The following RMND5A variants were observed in gnomAD, a reference collection of about 807,000 sequenced individuals.
RMND5A encodes E3 ubiquitin-protein transferase RMND5A.
In RMND5A, 17 loss-of-function variants were observed where a neutral mutation model predicts 49.7. That is an observed-to-expected ratio of 0.34 (90% CI 0.23 to 0.51). The LOEUF (loss-of-function observed/expected upper bound fraction) is 0.51, where lower values mean the gene tolerates loss of function less well. Ranked by LOEUF, RMND5A falls within the 20% of genes least tolerant of loss-of-function variation. RMND5A has a pLI of 0.96. For synonymous variants in RMND5A, 156 were observed against 167.7 expected (o/e 0.93, Z 0.54); for missense variants, 255 against 471.3 (o/e 0.54, Z 4.25).
chr2:86,733,574 TTAA>T (rs1329879700), intron 1 of RMND5A, among the ~76,000 whole-genome samples: 1 of 142,384 alleles, frequency 7.0e-6, no homozygotes, highest in Non-Finnish European at 1.5e-5. Flanking sequence ...AAATTTTAAC[TTAA>T]TAAAGCAACA....
At chr2:86,771,448 C>T (rs1672683761) in intron 7 of RMND5A, 110 bp from the exon 8 acceptor site, 2 of 881,380 alleles carry the variant, frequency 2.3e-6, no homozygotes, top group Non-Finnish European at 3.4e-6. Context: ...AAGTTACATT[C>T]AGGTGAATAG....
At position 86,728,234 on chromosome 2, in the gene RMND5A, A is replaced by G. The variant is rs1263699042; in HGVS notation, c.142+7425A>G. 2.8e-4 allele frequency among the ~76,000 whole-genome samples: 24 copies of G among 85,480 alleles called. 1 individual carries two copies. Among genetic ancestry groups the G allele is most frequent in the Non-Finnish European group, 5.1e-4 (21 of 40,802 alleles). The allele number at this position is 85,480 out of a possible 152,430, so 56.1% of individuals were successfully genotyped here. Reference sequence around the variant, plus strand: ...GAGAAGATGAATCTGTATTTGTGGAATAGTACCTAAAATTTTGACCCTGGG... The same window carrying G: ...GAGAAGATGAATCTGTATTTGTGGAGTAGTACCTAAAATTTTGACCCTGGG... On this transcript the variant is annotated intron_variant, in intron 1 of 8. Transcript: ENST00000283632.
At chr2:86,758,233 C>G (rs1459979025) in intron 4 of RMND5A, among the ~76,000 whole-genome samples, 3 of 152,224 alleles carry the variant, frequency 2.0e-5, no homozygotes, top group African/African-American at 7.2e-5. Flanking sequence ...ACTCTCCAAA[C>G]AGGCAGCCAC....
intron 7 of RMND5A, 90 bp from the exon 8 acceptor site, chr2:86,771,468 A>C (rs897878697): frequency 8.9e-7 from 1 of 1,127,974 alleles, no homozygotes; most frequent in South Asian, 1.7e-5. Context: ...GATCTGATCA[A>C]TGTTCTTTGC....
At chr2:86,743,927 G>A (rs1487349571) in intron 2 of RMND5A, among the ~76,000 whole-genome samples, 2 of 150,102 alleles carry the variant, frequency 1.3e-5, no homozygotes, top group Non-Finnish European at 1.5e-5. Flanking sequence ...GCAGTGAGTC[G>A]AGATTGCACC....
rs1294303976 is a variant in RMND5A at position 86,720,538 on chromosome 2, C to G, written c.-130C>G. ...CCGGCGCCGCGGCTAGTGCGCCCGC[C>G]GCCTCGGCCGCCTCAGCCTCCCGCG... is the stretch of plus-strand genomic sequence containing the variant. On this transcript the variant is annotated 5_prime_UTR_variant, in exon 1 of 9. Coordinates refer to ENST00000283632, the MANE Select transcript of RMND5A (RefSeq NM_022780.4). 9 of 616,718 alleles carry G rather than the reference C, an allele frequency of 1.5e-5. No individual in the cohort carries two copies. In the Admixed American group the frequency reaches 3.5e-4, roughly 24 times the overall value. The allele number at this position is 616,718 out of a possible 1,614,324, so 38.2% of individuals were successfully genotyped here.
chr2:86,758,578 T>C (rs1030162371), intron 4 of RMND5A, among the ~76,000 whole-genome samples: 3 of 152,206 alleles, frequency 2.0e-5, no homozygotes, highest in Admixed American at 2.0e-4. Flanking sequence ...TACTAATCTC[T>C]GCATTACTGA....
chr2:86,720,584 G>C lies in RMND5A; in HGVS notation c.-84G>C. On this transcript the variant is annotated 5_prime_UTR_variant, in exon 1 of 9. Coordinates refer to ENST00000283632, the MANE Select transcript of RMND5A (RefSeq NM_022780.4). Reference sequence around the variant, plus strand: ...CCGCGCCGCCCGCTTGGGGAACGAGGAGCAGGACGCGGCCTCGGTGGGGCC... The same window carrying C: ...CCGCGCCGCCCGCTTGGGGAACGAGCAGCAGGACGCGGCCTCGGTGGGGCC... 8.1e-7 allele frequency: 1 copy of C among 1,241,274 alleles called. No individual in the cohort carries two copies. Among genetic ancestry groups the C allele is most frequent in the Non-Finnish European group, 1.0e-6 (1 of 971,482 alleles). 76.9% of individuals were successfully genotyped at this position (1,241,274 alleles called of 1,614,324 possible).
chr2:86,748,553 A>G (rs1478460775), intron 2 of RMND5A: 1 of 152,234 alleles, frequency 6.6e-6, no homozygotes, highest in Non-Finnish European at 1.5e-5. Context: ...TTAAGAAAAT[A>G]GAGATACACA....
intron 4 of RMND5A, among the ~76,000 whole-genome samples, chr2:86,763,527 C>T (rs969752257): frequency 3.3e-5 from 5 of 152,020 alleles, no homozygotes; most frequent in African/African-American, 4.8e-5. Context: ...CACCTGTAAC[C>T]GCAGCACTTT....
In RMND5A at chr2:86,757,954, T is replaced by C. The variant is rs190623110; in HGVS notation, c.521+4396T>C. On this transcript the variant is annotated intron_variant, in intron 4 of 8. Coordinates refer to ENST00000283632, the MANE Select transcript of RMND5A (RefSeq NM_022780.4). ...GCCTGGAGTTGGAACAAGAGGAGAT[T>C]GTTCTAGAAAATGTTCAAAGTTCTC... is the stretch of plus-strand genomic sequence containing the variant. Among the ~76,000 whole-genome samples, 448 of 152,254 alleles carry C rather than the reference T, an allele frequency of 2.9e-3. 2 individuals are homozygous for C. Among genetic ancestry groups the C allele is most frequent in the Non-Finnish European group, 5.2e-3 (355 of 68,006 alleles).
At chr2:86,745,492 G>A (rs560220505) in intron 2 of RMND5A, among the ~76,000 whole-genome samples, 7 of 152,296 alleles carry the variant, frequency 4.6e-5, no homozygotes, top group Admixed American at 1.3e-4. Context: ...AACAGCAACT[G>A]AGAATATGCC....
At chr2:86,760,064 G>A (rs888045871) in intron 4 of RMND5A, among the ~76,000 whole-genome samples, 2 of 150,448 alleles carry the variant, frequency 1.3e-5, no homozygotes, top group Admixed American at 6.6e-5. Context: ...TTTTTTTTGA[G>A]ACGGAGTTTC....
rs1230101847 is a variant in RMND5A, at chr2:86,774,591, G to A, written c.*1180G>A. On this transcript the variant is annotated 3_prime_UTR_variant, in exon 9 of 9. Coordinates refer to ENST00000283632, the MANE Select transcript of RMND5A (RefSeq NM_022780.4). ...ATGCACTGTCCAAAAATAGCCATGT[G>A]TAAGAGTCTTTCTGTATGACGAACT... The A allele has an allele frequency of 6.6e-6, 1 of 152,634 alleles. No homozygotes were observed. Among genetic ancestry groups the A allele is most frequent in the Admixed American group, 6.5e-5 (1 of 15,278 alleles). The allele number at this position is 152,634 out of a possible 1,614,324, so 9.5% of individuals were successfully genotyped here.
rs1672767945 is a variant in RMND5A at position 86,776,315 on chromosome 2, T to C, written c.*2904T>C. ...AAATGAACGGGTATTGGTGCCTCTT[T>C]ATTTTAAAAAATTTGAAGAAAAGAG... is the stretch of plus-strand genomic sequence containing the variant. On this transcript the variant is annotated 3_prime_UTR_variant, in exon 9 of 9. Coordinates refer to ENST00000283632, the MANE Select transcript of RMND5A (RefSeq NM_022780.4). 1 of 152,184 alleles carries C rather than the reference T, an allele frequency of 6.6e-6. No individual in the cohort carries two copies. Among genetic ancestry groups the C allele is most frequent in the Admixed American group, 6.5e-5 (1 of 15,286 alleles). The allele number at this position is 152,184 out of a possible 1,614,324, so 9.4% of individuals were successfully genotyped here. A position where few individuals can be genotyped will look rare whatever the true frequency, so the allele number is the denominator to read the frequency against.
chr2:86,761,588 G>A (rs1197439813), intron 4 of RMND5A, among the ~76,000 whole-genome samples: 1 of 152,176 alleles, frequency 6.6e-6, no homozygotes, highest in Non-Finnish European at 1.5e-5. Flanking sequence ...GGAGGGAGAA[G>A]CTTGGAAGTC....
intron 5 of RMND5A, 198 bp downstream of exon 5, chr2:86,765,391 T>A: frequency 2.1e-6 from 1 of 477,762 alleles, no homozygotes; most frequent in Non-Finnish European, 3.6e-6. Context: ...ATGTTGCAGA[T>A]TTTGGAATTC....
At chr2:86,745,581 G>A (rs1446837406) in intron 2 of RMND5A, among the ~76,000 whole-genome samples, 1 of 152,158 alleles carries the variant, frequency 6.6e-6, no homozygotes, top group Admixed American at 6.5e-5. Flanking sequence ...GGTAAATGAT[G>A]GAAGGCCTGA....
rs1672757767 is a variant in RMND5A at position 86,775,731 on chromosome 2, A to G, written c.*2320A>G. On this transcript the variant is annotated 3_prime_UTR_variant, in exon 9 of 9. Coordinates refer to ENST00000283632, the MANE Select transcript of RMND5A (RefSeq NM_022780.4). ...AACTCTTATGAATCTGACATATTAT[A>G]TGGAAATTATATCTTGTGACCGTCT... 6.6e-6 allele frequency: 1 copy of G among 152,202 alleles called. No homozygotes were observed. Among genetic ancestry groups the G allele is most frequent in the Admixed American group, 6.5e-5 (1 of 15,280 alleles). 9.4% of individuals were successfully genotyped at this position (152,202 alleles called of 1,614,324 possible).
Sources: gnomAD v4.1 joint callset for allele counts (sites outside exome capture counted in the v4.1 genomes callset) on GRCh38, gnomAD v4.1.1 for gene constraint, MANE v1.5 for transcripts, NCBI Gene and HGNC (gene_info 2026-07-23, HGNC 2026-07-21) for gene names.